The following TLN2 variants were observed in gnomAD, a reference collection of about 807,000 sequenced individuals.
TLN2 encodes talin-2.
TLN2 carries 118 observed loss-of-function variants against 294.7 expected under a neutral mutation model. The ratio of observed to expected loss-of-function variants is 0.40; its 90% confidence interval spans 0.34 to 0.47. TLN2 has a LOEUF of 0.47. Among genes scored for constraint, TLN2 ranks in the 20% least tolerant of loss-of-function variants. The pLI is 0.84. For missense variants in TLN2, 3,083 were observed against 3,282.2 expected (o/e 0.94, Z 1.48); for synonymous variants, 1,431 against 1,304.5 (o/e 1.10, Z -2.09).
At chr15:62,624,339 C>T (rs1427152045) in intron 3 of TLN2, among the ~76,000 whole-genome samples, 1 of 152,126 alleles carries the variant, frequency 6.6e-6, no homozygotes, top group Non-Finnish European at 1.5e-5. Context: ...GCCAGAAGTT[C>T]CCTGCTTCTC....
intron 27 of TLN2, among the ~76,000 whole-genome samples, 179 bp from the exon 28 acceptor site, chr15:62,726,908 A>AT (rs2060471172): frequency 6.6e-6 from 1 of 152,146 alleles, no homozygotes; most frequent in Non-Finnish European, 1.5e-5. Context: ...TTGCACCCAG[A>AT]TTTGTTTGTT....
intron 1 of TLN2, among the ~76,000 whole-genome samples, chr15:62,445,265 C>T (rs1221168292): frequency 1.3e-5 from 2 of 152,178 alleles, no homozygotes; most frequent in South Asian, 4.1e-4. Context: ...TTACAGTGAC[C>T]TCCACCTCCA....
At chr15:62,703,633 A>ACG (rs2058867631) in intron 19 of TLN2, among the ~76,000 whole-genome samples, 1 of 140,692 alleles carries the variant, frequency 7.1e-6, no homozygotes, top group Non-Finnish European at 1.6e-5. Context: ...GCGCGCACAC[A>ACG]CACACACACA....
intron 1 of TLN2, chr15:62,561,506 C>A (rs1275215017): frequency 1.3e-5 from 2 of 152,236 alleles, no homozygotes; most frequent in Non-Finnish European, 2.9e-5. Context: ...ATGCTGAAGT[C>A]CTTTAGGGAC....
At chr15:62,455,725 C>A (rs377510907) in intron 1 of TLN2, among the ~76,000 whole-genome samples, 4 of 152,182 alleles carry the variant, frequency 2.6e-5, no homozygotes, top group Non-Finnish European at 5.9e-5. Context: ...TCCTCTAACA[C>A]CCTCTCTCCC....
At chr15:62,825,801 T>TAATATA (rs1212160568) in intron 54 of TLN2, among the ~76,000 whole-genome samples, 4 of 10,874 alleles carry the variant, frequency 3.7e-4, no homozygotes, top group African/African-American at 1.2e-3. Flanking sequence ...ATAATATATA[T>TAATATA]TATATATTAT....
At chr15:62,764,219 T>C (rs1293397522) in intron 40 of TLN2, among the ~76,000 whole-genome samples, 4 of 152,176 alleles carry the variant, frequency 2.6e-5, no homozygotes, top group Admixed American at 2.6e-4. Flanking sequence ...ACTTTGCCCT[T>C]TCTTGCTTGT....
chr15:62,498,153 C>CAAA (rs538951284), intron 1 of TLN2, among the ~76,000 whole-genome samples: 88 of 93,280 alleles, frequency 9.4e-4, no homozygotes, highest in Middle Eastern at 7.6e-3. Context: ...GACCCTGCCT[C>CAAA]AAAAAAAAAA....
chr15:62,708,549 T>C lies in TLN2; in HGVS notation c.2220T>C (p.Ile740=). Reference sequence around the variant, plus strand: ...CCCCTGTGTGCCAGGAGCAGCTGATTGAAGCAGGGAAGCTGGTGGACCGCT... The same window carrying C: ...CCCCTGTGTGCCAGGAGCAGCTGATCGAAGCAGGGAAGCTGGTGGACCGCT... The part of the protein sequence containing the change: ...ISSPVCQEQL[I]EAGKLVDRSV... Residue 740 remains isoleucine, a synonymous_variant, in exon 21 of 59, where the codon ATT becomes ATC. Transcript: ENST00000636159. 6.2e-7 allele frequency: 1 copy of C among 1,614,044 alleles called. No individual in the cohort carries two copies. Among genetic ancestry groups the C allele is most frequent in the South Asian group, 1.1e-5 (1 of 91,074 alleles).
chr15:62,796,045 G>T, intron 46 of TLN2, 82 bp from the exon 47 acceptor site: 2 of 1,530,168 alleles, frequency 1.3e-6, no homozygotes, highest in Admixed American at 1.9e-5. Context: ...TCCTAGGAGA[G>T]AATTCATTAT....
rs150230702 is a variant in TLN2, at chr15:62,414,309, A to G, written c.-238+23624A>G. On this transcript the variant is annotated intron_variant, in intron 1 of 58. Coordinates refer to ENST00000636159, the MANE Select transcript of TLN2 (RefSeq NM_015059.3). ...GAGCCTATGCTTTGATTTCAGTGGT[A>G]GAGCACTGGTGTTCCAAGGGGATTG... Among the ~76,000 whole-genome samples, 7 of 136,758 alleles carry G rather than the reference A, an allele frequency of 5.1e-5. 1 individual carries two copies. The highest frequency in any genetic ancestry group is 1.3e-4 in the African/African-American group (5 of 38,572). The allele number at this position is 136,758 out of a possible 152,430, so 89.7% of individuals were successfully genotyped here.
chr15:62,840,212 T>C (rs1285727867), intron 58 of TLN2, among the ~76,000 whole-genome samples: 1 of 152,182 alleles, frequency 6.6e-6, no homozygotes, highest in Non-Finnish European at 1.5e-5. Flanking sequence ...GTGGAGTGTT[T>C]GCACCAGAGC....
chr15:62,424,134 A>G (rs2034569909), intron 1 of TLN2, among the ~76,000 whole-genome samples: 1 of 152,186 alleles, frequency 6.6e-6, no homozygotes, highest in Non-Finnish European at 1.5e-5. Context: ...TATGGATAAT[A>G]ATAGTAACTA....
chr15:62,674,594 C>A (rs950744629), intron 10 of TLN2, among the ~76,000 whole-genome samples: 8 of 151,448 alleles, frequency 5.3e-5, no homozygotes, highest in Admixed American at 2.0e-4. Context: ...CTCCCCCCGC[C>A]CTGTTCAAGT....
intron 42 of TLN2, among the ~76,000 whole-genome samples, chr15:62,772,769 T>C (rs200204918): frequency 5.9e-5 from 9 of 152,010 alleles, no homozygotes; most frequent in African/African-American, 2.2e-4. Flanking sequence ...TTCAAGTGAT[T>C]CTCCTGCCTC....
rs867221786 is a variant in TLN2, at chr15:62,748,428, C to T, written c.4103C>T (p.Ala1368Val). ...QAPGQKECDN[A>V]LRELETVKGM... Reference sequence around the variant, plus strand: ...CCGGGCCAGAAAGAGTGCGATAATGCCCTGCGGGAGCTCGAGGTAGGTCCC... The same window carrying T: ...CCGGGCCAGAAAGAGTGCGATAATGTCCTGCGGGAGCTCGAGGTAGGTCCC... Residue 1368 changes from alanine to valine, a missense_variant, in exon 33 of 59, where the codon GCC becomes GTC. Physicochemically the swap from Ala to Val is moderately conservative, Grantham distance 64 (BLOSUM62 0). Transcript: ENST00000636159. 6.2e-7 allele frequency: 1 copy of T among 1,613,778 alleles called. No homozygotes were observed. Among genetic ancestry groups the T allele is most frequent in the Non-Finnish European group, 8.5e-7 (1 of 1,179,936 alleles).
intron 1 of TLN2, among the ~76,000 whole-genome samples, chr15:62,475,567 TA>T (rs2037739505): frequency 1.3e-5 from 2 of 152,256 alleles, no homozygotes; most frequent in East Asian, 3.8e-4. Flanking sequence ...CTTGGGTGGG[TA>T]AACCTGATGT....
In TLN2 at chr15:62,842,302, C is replaced by G. The variant is rs149150023; in HGVS notation, c.*1692C>G. ...CACTGACAGTGTGTGGGCACCAGTT[C>G]TGAAGAGGAGGGGAGCTGCTGGAGC... is the stretch of plus-strand genomic sequence containing the variant. On this transcript the variant is annotated 3_prime_UTR_variant, in exon 59 of 59. Transcript: ENST00000636159. 1 of 152,292 alleles carries G rather than the reference C, an allele frequency of 6.6e-6. No individual in the cohort carries two copies. The highest frequency in any genetic ancestry group is 1.9e-4 in the East Asian group (1 of 5,178). The allele number at this position is 152,292 out of a possible 1,614,324, so 9.4% of individuals were successfully genotyped here. A position where few individuals can be genotyped will look rare whatever the true frequency, so the allele number is the denominator to read the frequency against.
intron 46 of TLN2, among the ~76,000 whole-genome samples, chr15:62,793,542 G>C (rs2065231349): frequency 6.6e-6 from 1 of 152,182 alleles, no homozygotes; most frequent in African/African-American, 2.4e-5. Context: ...AGTTACACAT[G>C]TAATAAATCT....
Sources: allele counts gnomAD v4.1 joint callset (sites outside exome capture counted in the v4.1 genomes callset), GRCh38; gene constraint gnomAD v4.1.1; transcripts MANE v1.5; gene names NCBI Gene and HGNC (gene_info 2026-07-23, HGNC 2026-07-21).